The following MGMT variants were observed in gnomAD, a reference collection of about 807,000 sequenced individuals.
MGMT encodes the protein O-6-methylguanine-DNA methyltransferase.
A neutral mutation model predicts 15.9 loss-of-function variants in MGMT; 14 were observed. The ratio of observed to expected loss-of-function variants is 0.88; its 90% CI spans 0.58 to 1.37. The LOEUF is 1.37. Among genes scored for constraint, MGMT ranks in the 40% most tolerant of loss-of-function variants. The probability of loss-of-function intolerance (pLI) is 0.00; values close to 1 mark genes in which losing one functional copy is unlikely to be tolerated. For missense variants in MGMT, 282 were observed against 268.1 expected (o/e 1.05, Z -0.36); for synonymous variants, 130 against 118.2 (o/e 1.10, Z -0.65).
intron 1 of MGMT, among the ~76,000 whole-genome samples, chr10:129,535,954 C>T (rs1433125220): frequency 1.3e-5 from 2 of 152,206 alleles, no homozygotes; most frequent in Non-Finnish European, 2.9e-5. Context: ...ACCAGGTCAG[C>T]TTCCTTCGGT....
chr10:129,757,320 G>A (rs1848818305), intron 3 of MGMT, among the ~76,000 whole-genome samples: 2 of 152,242 alleles, frequency 1.3e-5, no homozygotes, highest in African/African-American at 2.4e-5. Context: ...CAGCACTCAA[G>A]GCTGGCGCTC....
intron 1 of MGMT, among the ~76,000 whole-genome samples, chr10:129,500,935 T>G (rs759760915): frequency 6.6e-6 from 1 of 152,230 alleles, no homozygotes; most frequent in Non-Finnish European, 1.5e-5. Flanking sequence ...TCTGTTTCAC[T>G]GACAGCTTTC....
rs555424961 is a variant in MGMT, at chr10:129,541,176, G to A, written c.125+4799G>A. 8.1e-4 allele frequency among the ~76,000 whole-genome samples: 123 copies of A among 152,358 alleles called. 1 individual carries two copies. Among genetic ancestry groups the A allele is most frequent in the African/African-American group, 1.9e-4 (8 of 41,586 alleles). ...CACTTACCTGTGTGTGGCTTCGCAC[G>A]GGGACCAATGACTTCCTTGCATAGT... On this transcript the variant is annotated intron_variant, in intron 2 of 4. Transcript: ENST00000651593.
intron 1 of MGMT, among the ~76,000 whole-genome samples, chr10:129,531,329 C>A (rs1385269992): frequency 6.6e-6 from 1 of 152,212 alleles, no homozygotes; most frequent in African/African-American, 2.4e-5. Context: ...CTTTGTGTGG[C>A]TGGTATTGTG....
chr10:129,677,010 G>A (rs1309199773), intron 2 of MGMT, among the ~76,000 whole-genome samples: 4 of 152,204 alleles, frequency 2.6e-5, no homozygotes, highest in African/African-American at 9.6e-5. Context: ...GGATGCCAAA[G>A]CCATTTCCAC....
chr10:129,542,027 C>T (rs1846047504), intron 2 of MGMT, among the ~76,000 whole-genome samples: 1 of 152,214 alleles, frequency 6.6e-6, no homozygotes, highest in African/African-American at 2.4e-5. Context: ...GAGAACGTAT[C>T]CTGCCGGGCC....
At chr10:129,671,821 T>G (rs1847727598) in intron 2 of MGMT, among the ~76,000 whole-genome samples, 1 of 152,222 alleles carries the variant, frequency 6.6e-6, no homozygotes, top group East Asian at 1.9e-4. Flanking sequence ...CTCGTCACTT[T>G]GCAGCATTCA....
chr10:129,540,030 C>T (rs1433431977), intron 2 of MGMT, among the ~76,000 whole-genome samples: 1 of 152,134 alleles, frequency 6.6e-6, no homozygotes, highest in Non-Finnish European at 1.5e-5. Context: ...CAGTTCTTGG[C>T]TTTGACTGGC....
chr10:129,526,133 G>A (rs1416017989), intron 1 of MGMT, among the ~76,000 whole-genome samples: 1 of 152,208 alleles, frequency 6.6e-6, no homozygotes, highest in Non-Finnish European at 1.5e-5. Context: ...TCTCAGCCGT[G>A]GCCCTTTATA....
At chr10:129,599,058 A>G (rs1846786297) in intron 2 of MGMT, among the ~76,000 whole-genome samples, 4 of 152,226 alleles carry the variant, frequency 2.6e-5, no homozygotes, top group Admixed American at 6.5e-5. Context: ...AAGGAGTTTA[A>G]TTGAGCAACG....
intron 3 of MGMT, among the ~76,000 whole-genome samples, chr10:129,755,964 T>G (rs1848801592): frequency 6.6e-6 from 1 of 152,148 alleles, no homozygotes; most frequent in Admixed American, 6.5e-5. Flanking sequence ...TGGTCCAGGT[T>G]CAGGTGTCAG....
intron 1 of MGMT, among the ~76,000 whole-genome samples, chr10:129,497,897 C>G (rs78350875): frequency 2.0e-5 from 3 of 152,182 alleles, no homozygotes; most frequent in Non-Finnish European, 4.4e-5. Context: ...CGGGCTCTGG[C>G]GGCACCTTGA....
chr10:129,477,201 C>A (rs1347987917), intron 1 of MGMT, among the ~76,000 whole-genome samples: 2 of 152,200 alleles, frequency 1.3e-5, no homozygotes, highest in Non-Finnish European at 2.9e-5. Flanking sequence ...TCTCAATCTT[C>A]CCCACTCTCA....
In MGMT at chr10:129,564,458, C is replaced by A. The variant is rs1290705931; in HGVS notation, c.125+28081C>A. On this transcript the variant is annotated intron_variant, in intron 2 of 4. Coordinates refer to ENST00000651593, the MANE Select transcript of MGMT (RefSeq NM_002412.5). ...TTCCCCTTCTTCTTCCTCTCTCTCC[C>A]CTTCCTGTCTTTCCCCTTCCTCCTC... Among the ~76,000 whole-genome samples, 4 of 90,726 alleles carry A rather than the reference C, an allele frequency of 4.4e-5. No homozygotes were observed. In the Admixed American group the frequency reaches 4.5e-4, roughly 10 times the overall value. 59.5% of individuals were successfully genotyped at this position (90,726 alleles called of 152,430 possible).
chr10:129,683,921 A>G (rs1361035763), intron 2 of MGMT, among the ~76,000 whole-genome samples: 1 of 152,190 alleles, frequency 6.6e-6, no homozygotes. Context: ...TACATTTCAC[A>G]GTGTATTTTT....
chr10:129,758,416 C>T (rs1435244163), intron 3 of MGMT, among the ~76,000 whole-genome samples: 1 of 152,104 alleles, frequency 6.6e-6, no homozygotes, highest in Non-Finnish European at 1.5e-5. Context: ...CTTGGAAAGA[C>T]AATAGGTACT....
chr10:129,546,230 CAG>C (rs1846097032), intron 2 of MGMT, among the ~76,000 whole-genome samples: 1 of 152,134 alleles, frequency 6.6e-6, no homozygotes, highest in African/African-American at 2.4e-5. Context: ...AAGCCCAGCT[CAG>C]GGGCAGACAG....
chr10:129,598,941 G>A (rs1846785126), intron 2 of MGMT, among the ~76,000 whole-genome samples: 1 of 152,112 alleles, frequency 6.6e-6, no homozygotes, highest in African/African-American at 2.4e-5. Context: ...ACCTCTTGTT[G>A]TCTCCAGCCC....
At position 129,770,273 on chromosome 10, in the gene MGMT, A is replaced by T. The variant is rs1848985956; in HGVS notation, c.*3276A>T. Among the ~76,000 whole-genome samples, 1 of 152,224 alleles carries T rather than the reference A, an allele frequency of 6.6e-6. No individual in the cohort carries two copies. Among genetic ancestry groups the T allele is most frequent in the Admixed American group, 6.5e-5 (1 of 15,286 alleles). ...TACAGAACTGTAAGATAAGGATAAA[A>T]TCCCATCCACCTGAATTGCTGAGAA... On this transcript the variant is annotated 3_prime_UTR_variant, in exon 5 of 5. Coordinates refer to ENST00000651593, the MANE Select transcript of MGMT (RefSeq NM_002412.5).
Sources: gnomAD v4.1 joint callset for allele counts (sites outside exome capture counted in the v4.1 genomes callset) on GRCh38, gnomAD v4.1.1 for gene constraint, MANE v1.5 for transcripts, NCBI Gene and HGNC (gene_info 2026-07-23, HGNC 2026-07-21) for gene names.